POLB: variants seen among roughly 807,000 people sequenced by gnomAD.
The protein encoded by POLB is 5'-dRP lyase.
In POLB, 37 loss-of-function variants were observed where a neutral mutation model predicts 52.7. The observed-to-expected ratio is 0.70, with a 90% CI of 0.54 to 0.92. POLB has a LOEUF of 0.92. Ranked by LOEUF, POLB falls within the 40% of genes least tolerant of loss-of-function variation. The pLI, the probability that POLB is intolerant of heterozygous loss-of-function variation, is 0.00. For synonymous variants in POLB, 138 were observed against 131.3 expected, an observed-to-expected ratio of 1.05 and a Z score of -0.35; for missense variants, 313 against 400.8, an observed-to-expected ratio of 0.78 and a Z score of 1.87.
Position 42,369,860 on chromosome 8 carries a change from A to G in POLB, c.785A>G (p.Lys262Arg). Residue 262 changes from lysine (K) to arginine (R), a missense_variant, in exon 13 of 14, where the codon AAA (lysine) becomes AGA (arginine). Physicochemically the swap from Lys to Arg is conservative, Grantham distance 26 (BLOSUM62 2). Around this residue, in one of 3 missense-constraint regions of POLB, gnomAD observed 246 missense variants for 297.6 expected, o/e 0.83. Coordinates refer to ENST00000265421, the MANE Select transcript of POLB (RefSeq NM_002690.3). Reference protein sequence around the residue: ...HRRIDIRLIPKDQYYCGVLYF... With the variant: ...HRRIDIRLIPRDQYYCGVLYF... ...TCCATTTTTTTTAGGTTGATACCCA[A>G]AGATCAGTATTACTGTGGTGTTCTC... 1 of 1,586,524 alleles carries G rather than the reference A, an allele frequency of 6.3e-7. No individual in the cohort carries two copies. The highest frequency in any genetic ancestry group is 1.4e-5 in the African/African-American group (1 of 73,558).
At chr8:42,353,194 T>C (rs1450606846) in intron 6 of POLB, among the ~76,000 whole-genome samples, 4 of 150,236 alleles carry the variant, frequency 2.7e-5, no homozygotes, top group Non-Finnish European at 5.9e-5. Context: ...TTTTTTGCTC[T>C]GCCTCCCAGG....
At chr8:42,368,979 C>G in intron 11 of POLB, 1 of 223,570 alleles carries the variant, frequency 4.5e-6, no homozygotes, top group Middle Eastern at 1.5e-3. Context: ...ATTTTGATGT[C>G]TGTGTTTCGT....
chr8:42,354,585 C>A, intron 6 of POLB: 1 of 620,480 alleles, frequency 1.6e-6, no homozygotes, highest in Non-Finnish European at 2.6e-6. Flanking sequence ...CTTGCTCTGT[C>A]TGCCCAGAAG....
chr8:42,361,917 G>T (rs1033325366), intron 10 of POLB, among the ~76,000 whole-genome samples: 1 of 152,120 alleles, frequency 6.6e-6, no homozygotes, highest in African/African-American at 2.4e-5. Context: ...TGTTTCATTT[G>T]ATAAGATGAA....
chr8:42,371,510 A>G lies in POLB; in HGVS notation c.914-53A>G, dbSNP rs189508852. The G allele has an allele frequency of 9.5e-4, 992 of 1,043,068 alleles. 7 individuals carry two copies. The African/African-American group carries it at 0.015, about 16-fold the overall frequency. 64.6% of individuals were successfully genotyped at this position (1,043,068 alleles called of 1,614,324 possible). A position where few individuals can be genotyped will look rare whatever the true frequency, so the allele number is the denominator to read the frequency against. ...CAGCTCTTAATCTTGAACCCTCTAT[A>G]ACTAAACTATAAAACTGGTTCTTAC... is the stretch of plus-strand genomic sequence containing the variant. On this transcript the variant is annotated intron_variant, in intron 13 of 13. Coordinates refer to ENST00000265421, the MANE Select transcript of POLB (RefSeq NM_002690.3).
At chr8:42,369,111 G>A in intron 11 of POLB, 160 bp from the exon 12 acceptor site, 2 of 509,642 alleles carry the variant, frequency 3.9e-6, no homozygotes, top group Non-Finnish European at 7.0e-6. Context: ...TAATAGAAAG[G>A]TAGGGATAGT....
At chr8:42,338,945 T>C in intron 1 of POLB, 67 bp from the exon 2 acceptor site, 1 of 1,374,302 alleles carries the variant, frequency 7.3e-7, no homozygotes, top group Non-Finnish European at 1.0e-6. Flanking sequence ...CATATCCCCT[T>C]CCAGAAAACA....
intron 6 of POLB, among the ~76,000 whole-genome samples, chr8:42,353,630 G>T (rs774237400): frequency 3.3e-5 from 5 of 152,092 alleles, no homozygotes; most frequent in Non-Finnish European, 7.4e-5. Context: ...TTTCATGGGT[G>T]TATGTATACA....
chr8:42,364,217 G>A (rs116430266), intron 11 of POLB, among the ~76,000 whole-genome samples: 66 of 151,964 alleles, frequency 4.3e-4, no homozygotes, highest in African/African-American at 1.5e-3. Flanking sequence ...ATGAACCACC[G>A]TGCCCAGCCT....
chr8:42,347,693 AT>A (rs1237681273), intron 3 of POLB, among the ~76,000 whole-genome samples: 1 of 152,160 alleles, frequency 6.6e-6, no homozygotes, highest in Non-Finnish European at 1.5e-5. Context: ...CTTTAAAAAA[AT>A]ATTGTGATAC....
chr8:42,358,752 G>T (rs558643711), intron 9 of POLB, among the ~76,000 whole-genome samples: 1 of 152,260 alleles, frequency 6.6e-6, no homozygotes, highest in South Asian at 2.1e-4. Context: ...GGGGTCAAAA[G>T]ACCTGGGGTC....
intron 9 of POLB, among the ~76,000 whole-genome samples, chr8:42,360,260 C>A (rs1343711000): frequency 6.6e-6 from 1 of 151,838 alleles, no homozygotes; most frequent in East Asian, 1.9e-4. Context: ...CCCGGCCTGG[C>A]CTTCTTTATA....
chr8:42,349,519 G>C (rs983167068), intron 4 of POLB, among the ~76,000 whole-genome samples: 16 of 152,172 alleles, frequency 1.1e-4, no homozygotes, highest in Non-Finnish European at 1.2e-4. Context: ...CTCCTGAGTA[G>C]CTGGGACTAC....
chr8:42,352,371 G>A (rs909894581), intron 5 of POLB, 148 bp from the exon 6 acceptor site: 10 of 644,810 alleles, frequency 1.6e-5, no homozygotes, highest in Non-Finnish European at 2.0e-5. Context: ...TTCGTACTTC[G>A]GATACAGTTG....
chr8:42,354,477 A>G, intron 6 of POLB: 1 of 1,278,694 alleles, frequency 7.8e-7, no homozygotes, highest in Non-Finnish European at 1.0e-6. Flanking sequence ...TCACTTTTAG[A>G]CTTAATATGG....
At chr8:42,357,462 T>G (rs1191308228) in intron 9 of POLB, 70 bp downstream of exon 9, 1 of 825,368 alleles carries the variant, frequency 1.2e-6, no homozygotes, top group African/African-American at 1.7e-5. Flanking sequence ...GGGAAGAATT[T>G]GGATTAAAAA....
chr8:42,342,558 A>G (rs1434971036), intron 2 of POLB: 19 of 752,026 alleles, frequency 2.5e-5, no homozygotes, highest in Non-Finnish European at 4.5e-5. Context: ...AATCAGTTTT[A>G]CCATCTTGTC....
intron 11 of POLB, among the ~76,000 whole-genome samples, chr8:42,365,776 A>C (rs548123314): frequency 6.6e-6 from 1 of 152,330 alleles, no homozygotes; most frequent in East Asian, 1.9e-4. Context: ...AAAAACCAAC[A>C]GAAGCTATAG....
chr8:42,361,546 T>C (rs1269216149), intron 10 of POLB, 181 bp downstream of exon 10: 20 of 588,398 alleles, frequency 3.4e-5, no homozygotes, highest in Non-Finnish European at 5.4e-5. Context: ...CCTATTATTC[T>C]TCCATGAGTT....
Sources: gnomAD v4.1 joint callset for allele counts (sites outside exome capture counted in the v4.1 genomes callset) on GRCh38, gnomAD v4.1.1 for gene constraint, gnomAD v4.1.1 regional missense constraint, MANE v1.5 for transcripts, NCBI Gene and HGNC (gene_info 2026-07-23, HGNC 2026-07-21) for gene names.